RAP1GAP2: variants seen among roughly 807,000 people sequenced by gnomAD.
The protein encoded by RAP1GAP2 is RAP1 GTPase activating protein 2.
RAP1GAP2 carries 27 observed loss-of-function variants against 95.0 expected under a neutral mutation model. The ratio of observed to expected loss-of-function variants is 0.28; its 90% CI spans 0.21 to 0.39. The LOEUF is 0.39. RAP1GAP2 is among the 10% of genes least tolerant of loss of function. The pLI is 1.00. For missense variants in RAP1GAP2, 771 were observed against 970.0 expected, an observed-to-expected ratio of 0.79 and a Z score of 2.72; for synonymous variants, 373 against 380.9, an observed-to-expected ratio of 0.98 and a Z score of 0.24.
chr17:2,875,371 G>C (rs1567731809), intron 2 of RAP1GAP2, among the ~76,000 whole-genome samples: 1 of 152,090 alleles, frequency 6.6e-6, no homozygotes, highest in Non-Finnish European at 1.5e-5. Context: ...CCGGCCACAA[G>C]CAGGTTTGTA....
intron 1 of RAP1GAP2, among the ~76,000 whole-genome samples, chr17:2,783,348 T>C (rs1320145195): frequency 6.6e-5 from 10 of 152,216 alleles, no homozygotes. Flanking sequence ...CTCTACTTCC[T>C]AACCCCCTCT....
chr17:3,036,085 A>T lies in RAP1GAP2; in HGVS notation c.*2724A>T, dbSNP rs1224966047. On this transcript the variant is annotated 3_prime_UTR_variant, in exon 25 of 25. Transcript: ENST00000254695. ...TATGCCTCCAGCTCAGTTGACGCTT[A>T]AAAACAGGTGCAGAAAAGCTCGCGA... is the stretch of plus-strand genomic sequence containing the variant. 2 of 152,240 alleles carry T rather than the reference A, an allele frequency of 1.3e-5. No homozygotes were observed. The highest frequency in any genetic ancestry group is 3.8e-4 in the East Asian group (2 of 5,202). The allele number at this position is 152,240 out of a possible 1,614,324, so 9.4% of individuals were successfully genotyped here. A position where few individuals can be genotyped will look rare whatever the true frequency, so the allele number is the denominator to read the frequency against.
Position 2,894,285 on chromosome 17 carries a change from C to G in RAP1GAP2, c.81-10999C>G, listed in dbSNP as rs535656795. Among the ~76,000 whole-genome samples, 14 of 152,252 alleles carry G rather than the reference C, an allele frequency of 9.2e-5. No homozygotes were observed. In the East Asian group the frequency reaches 2.7e-3, roughly 29 times the overall value. On this transcript the variant is annotated intron_variant, in intron 2 of 24. Coordinates refer to ENST00000254695, the MANE Select transcript of RAP1GAP2 (RefSeq NM_015085.5). ...TCTCTACTAAAAATACAAAACTTAG[C>G]CAGGCATGGTGGTAGGCACCTGTAG...
intron 2 of RAP1GAP2, among the ~76,000 whole-genome samples, chr17:2,889,887 ATATTTT>A (rs1291721148): frequency 6.5e-4 from 25 of 38,750 alleles, no homozygotes; most frequent in Non-Finnish European, 1.2e-3. Flanking sequence ...ATATATATAT[ATATTTT>A]TTTTTTTTTT....
intron 2 of RAP1GAP2, among the ~76,000 whole-genome samples, chr17:2,893,482 T>TAGGAAGTG (rs2073785469): frequency 6.6e-6 from 1 of 152,234 alleles, no homozygotes; most frequent in Non-Finnish European, 1.5e-5. Flanking sequence ...GGTACATAGT[T>TAGGAAGTG]ATCACTGCTG....
At chr17:2,814,918 T>C (rs978256204) in intron 2 of RAP1GAP2, among the ~76,000 whole-genome samples, 3 of 152,010 alleles carry the variant, frequency 2.0e-5, no homozygotes, top group African/African-American at 7.2e-5. Flanking sequence ...CCCCGTGGAA[T>C]TGAGGAGCTT....
chr17:2,774,903 C>T (rs940344528), upstream of RAP1GAP2, among the ~76,000 whole-genome samples: 2 of 149,276 alleles, frequency 1.3e-5, no homozygotes, highest in South Asian at 2.1e-4. Flanking sequence ...TCACTGCAAC[C>T]TCCGCCTCCC....
intron 1 of RAP1GAP2, among the ~76,000 whole-genome samples, chr17:2,765,363 G>C (rs536877483): frequency 6.6e-6 from 1 of 152,168 alleles, no homozygotes; most frequent in South Asian, 2.1e-4. Flanking sequence ...GCTAACACCT[G>C]TAATCCCAGC....
chr17:2,893,890 C>G (rs920173413), intron 2 of RAP1GAP2, among the ~76,000 whole-genome samples: 3 of 152,204 alleles, frequency 2.0e-5, no homozygotes, highest in Non-Finnish European at 2.9e-5. Context: ...CTGCTTGGCA[C>G]GCGCTCTTCC....
chr17:2,761,772 T>C (rs554491269), intron 1 of RAP1GAP2, among the ~76,000 whole-genome samples: 10 of 152,152 alleles, frequency 6.6e-5, no homozygotes, highest in Admixed American at 4.6e-4. Flanking sequence ...AATAAATAAA[T>C]TGGTGCTGGG....
chr17:2,917,702 G>GC (rs944076617), intron 3 of RAP1GAP2, among the ~76,000 whole-genome samples: 5 of 151,510 alleles, frequency 3.3e-5, no homozygotes, highest in Admixed American at 2.6e-4. Flanking sequence ...ACTGTGCCTG[G>GC]CCCCCCCGTT....
chr17:2,851,009 A>G (rs1423160790), intron 2 of RAP1GAP2, among the ~76,000 whole-genome samples: 1 of 151,982 alleles, frequency 6.6e-6, no homozygotes, highest in Non-Finnish European at 1.5e-5. Context: ...GCAGTGAGCC[A>G]AGACCGTGCC....
chr17:2,768,300 G>T (rs1267734259), intron 1 of RAP1GAP2, among the ~76,000 whole-genome samples: 1 of 151,890 alleles, frequency 6.6e-6, no homozygotes, highest in Non-Finnish European at 1.5e-5. Flanking sequence ...GTGCCTGTTT[G>T]TAATTATACA....
At chr17:2,832,628 A>T (rs2070938477) in intron 2 of RAP1GAP2, among the ~76,000 whole-genome samples, 1 of 151,592 alleles carries the variant, frequency 6.6e-6, no homozygotes, top group African/African-American at 2.4e-5. Context: ...TCCTCCCCAG[A>T]GTAGCCACTG....
chr17:2,944,647 C>T (rs1042549214), intron 3 of RAP1GAP2, among the ~76,000 whole-genome samples: 1 of 152,156 alleles, frequency 6.6e-6, no homozygotes, highest in Admixed American at 6.5e-5. Context: ...TTAGGAGGAG[C>T]TTTTCAGTTT....
intron 3 of RAP1GAP2, among the ~76,000 whole-genome samples, chr17:2,920,481 G>T (rs964507275): frequency 6.6e-6 from 1 of 152,176 alleles, no homozygotes; most frequent in East Asian, 1.9e-4. Context: ...TTCAGGCCCT[G>T]CCTCCCCCGC....
At chr17:2,918,583 C>T (rs763350322) in intron 3 of RAP1GAP2, among the ~76,000 whole-genome samples, 2 of 152,046 alleles carry the variant, frequency 1.3e-5, no homozygotes, top group Non-Finnish European at 2.9e-5. Context: ...AGGCAGGTCA[C>T]AGGGCCAGAG....
At chr17:2,998,159 C>T in intron 13 of RAP1GAP2, 62 bp from the exon 14 acceptor site, 1 of 1,550,170 alleles carries the variant, frequency 6.5e-7, no homozygotes, top group Non-Finnish European at 8.8e-7. Flanking sequence ...CCCACTCTTT[C>T]CCCAAAACAT....
rs533701182 is a variant in RAP1GAP2 at position 2,877,808 on chromosome 17, C to T, written c.81-27476C>T. 7.2e-5 allele frequency among the ~76,000 whole-genome samples: 11 copies of T among 152,228 alleles called. 2 individuals are homozygous for T. In the South Asian group the frequency reaches 2.3e-3, roughly 32 times the overall value. ...AATTTGGTTCTCATGGTGAGGGTGA[C>T]AGGAAGCCATTTCAAGGCCTTAGAT... On this transcript the variant is annotated intron_variant, in intron 2 of 24. Transcript: ENST00000254695.
Sources: allele counts gnomAD v4.1 joint callset (sites outside exome capture counted in the v4.1 genomes callset), GRCh38; gene constraint gnomAD v4.1.1; transcripts MANE v1.5; gene names NCBI Gene and HGNC (gene_info 2026-07-23, HGNC 2026-07-21).